TTN: variants seen among roughly 807,000 people sequenced by gnomAD.
The protein encoded by TTN is connectin.
In TTN, 1,525 loss-of-function variants were observed where a neutral mutation model predicts 3,223.0. The ratio of observed to expected loss-of-function variants is 0.47; its 90% CI spans 0.45 to 0.49. The LOEUF is 0.49. TTN is among the 20% of genes least tolerant of loss of function. The pLI is 0.00. For synonymous variants in TTN, 14,094 were observed against 15,161.0 expected (o/e 0.93, Z 5.17); for missense variants, 40,786 against 43,424.0 (o/e 0.94, Z 5.40).
At chr2:178,693,481 G>T in intron 119 of TTN, 128 bp downstream of exon 119, 1 of 612,542 alleles carries the variant, frequency 1.6e-6, no homozygotes, top group Non-Finnish European at 2.6e-6. Flanking sequence ...CACATCCTTT[G>T]TACATAGTGG....
chr2:178,748,593 A>T, intron 47 of TTN: 1 of 1,613,148 alleles, frequency 6.2e-7, no homozygotes, highest in South Asian at 1.1e-5. Flanking sequence ...TGGATTTTAA[A>T]ATAAGCTTCT....
Position 178,558,324 on chromosome 2 carries a change from C to A in TTN, c.87118+17G>T. The A allele has an allele frequency of 6.3e-7, 1 of 1,596,752 alleles. No individual in the cohort carries two copies. The highest frequency in any genetic ancestry group is 8.5e-7 in the Non-Finnish European group (1 of 1,175,310). ...CAAATAATTTCAAATTTTGCTTCTA[C>A]ACAAAATTAGACATACCTAGTTGCT... On this transcript the variant is annotated intron_variant, in intron 327 of 362. Coordinates refer to ENST00000589042, the MANE Select transcript of TTN (RefSeq NM_001267550.2).
Position 178,552,133 on chromosome 2 carries a change from TCTC to T in TTN, c.90764_90766del (p.Gly30255del), listed in dbSNP as rs748912340. The T allele has an allele frequency of 1.9e-4, 303 of 1,613,796 alleles. No individual in the cohort carries two copies. The highest frequency in any genetic ancestry group is 6.6e-4 in the Middle Eastern group (4 of 6,056). On this transcript the variant is annotated inframe_deletion, in exon 335 of 363. Transcript: ENST00000589042. ...CTTCTCGATGCTGTAACAAGTAATT[TCTC>T]CTCCTCCATTATCTTCAGGTACATC...
intron 115 of TTN, 114 bp downstream of exon 115, chr2:178,695,234 T>A (rs1430558653): frequency 1.4e-6 from 1 of 719,778 alleles, no homozygotes; most frequent in East Asian, 2.6e-5. Flanking sequence ...ACAATAAAGC[T>A]TAGAGAAGAA....
chr2:178,653,343 T>G (rs774210103), intron 197 of TTN, 22 bp from the exon 198 acceptor site: 26 of 1,611,086 alleles, frequency 1.6e-5, no homozygotes, highest in Non-Finnish European at 2.1e-5. Context: ...TTAGTAAAGT[T>G]ACATGTAGAG....
rs761383124 is a variant in TTN, at chr2:178,786,080, C to T, written c.2138G>A (p.Arg713Gln). 43 of 1,613,962 alleles carry T rather than the reference C, an allele frequency of 2.7e-5. No individual in the cohort carries two copies. The highest frequency in any genetic ancestry group is 6.7e-5 in the Admixed American group (4 of 59,998). Residue 713 changes from arginine to glutamine, a missense_variant, in exon 14 of 363, where the codon CGA (arginine) becomes CAA (glutamine). Transcript: ENST00000589042. ...ATVVAAVDQA[R>Q]VREPREPGHL... ...CCCAGGCTCTCTGGGCTCTCTGACTCGGGCCTGGTCTACTGCAGCAACAAC... is the reference window on the plus strand; with the variant it reads ...CCCAGGCTCTCTGGGCTCTCTGACTTGGGCCTGGTCTACTGCAGCAACAAC...
chr2:178,611,464 T>G lies in TTN; in HGVS notation c.50765A>C (p.Lys16922Thr), dbSNP rs1425233926. 1.2e-6 allele frequency: 2 copies of G among 1,612,976 alleles called. No individual in the cohort carries two copies. The highest frequency in any genetic ancestry group is 1.7e-6 in the Non-Finnish European group (2 of 1,179,318). Residue 16922 changes from lysine to threonine, a missense_variant, in exon 269 of 363, where the codon AAA becomes ACA. Lys to Thr is a moderately conservative substitution (Grantham distance 78). Transcript: ENST00000589042. ...TGCTCTCACTCTCAGGACATATTCT[T>G]TGTCAGGAACAACACCTTCTTCAAC... ...FKVEEGVVPDKEYVLRVRAVN... is the reference protein window; with the variant it reads ...FKVEEGVVPDTEYVLRVRAVN...
intron 308 of TTN, among the ~76,000 whole-genome samples, chr2:178,585,581 A>G (rs2048756273): frequency 6.6e-6 from 1 of 151,950 alleles, no homozygotes; most frequent in Non-Finnish European, 1.5e-5. Flanking sequence ...TCCTAATGCT[A>G]TCCTTCCCCT....
Position 178,664,263 on chromosome 2 carries a change from G to T in TTN, c.36281-165C>A, listed in dbSNP as rs1053744179. 4.6e-5 allele frequency among the ~76,000 whole-genome samples: 7 copies of T among 151,970 alleles called. No individual in the cohort carries two copies. In the East Asian group the frequency reaches 1.2e-3, roughly 25 times the overall value. ...TTCAGGTTTTAGAGGAGGAACTTCC[G>T]GTATTTTCTTTTTGGTAGCCATTTC... On this transcript the variant is annotated intron_variant, in intron 168 of 362. Coordinates refer to ENST00000589042, the MANE Select transcript of TTN (RefSeq NM_001267550.2).
Position 178,571,924 on chromosome 2 carries a change from A to G in TTN, c.74208T>C (p.Asp24736=). The change falls in exon 326 of 363, where the codon GAT becomes GAC. Residue 24736 remains aspartate (D), a synonymous_variant. Coordinates refer to ENST00000589042, the MANE Select transcript of TTN (RefSeq NM_001267550.2). ...TVLAGEDLKV[D]VPFIGRPTPA... ...GGGTAGGGCGGCCAATGAATGGAAC[A>G]TCAACTTTTAGGTCTTCACCTGCCA... 1 of 1,613,248 alleles carries G rather than the reference A, an allele frequency of 6.2e-7. No individual in the cohort carries two copies.
intron 48 of TTN, among the ~76,000 whole-genome samples, 192 bp downstream of exon 48, chr2:178,738,949 T>C (rs2082001902): frequency 6.6e-6 from 1 of 152,188 alleles, no homozygotes; most frequent in South Asian, 2.1e-4. Context: ...ATGGATATGA[T>C]AGCATAGCAC....
chr2:178,577,136 C>T lies in TTN; in HGVS notation c.69199G>A (p.Asp23067Asn). The change falls in exon 324 of 363, where the codon GAT (aspartate) becomes AAT (asparagine). Residue 23067 changes from aspartate (D) to asparagine (N), a missense_variant. Transcript: ENST00000589042. ...TAGGACTTAATTGGTGAGCCGCCATCTTCCAAGGGAGGTGTCCATGTAAGT... is the reference window on the plus strand; with the variant it reads ...TAGGACTTAATTGGTGAGCCGCCATTTTCCAAGGGAGGTGTCCATGTAAGT... ...ATLTWTPPLEDGGSPIKSYIL... is the reference protein window; with the variant it reads ...ATLTWTPPLENGGSPIKSYIL... 6.2e-7 allele frequency: 1 copy of T among 1,613,194 alleles called. No individual in the cohort carries two copies. The highest frequency in any genetic ancestry group is 8.5e-7 in the Non-Finnish European group (1 of 1,179,516).
In TTN at chr2:178,592,403, C is replaced by T; in HGVS notation, c.59602G>A (p.Val19868Ile). 6.2e-7 allele frequency: 1 copy of T among 1,612,960 alleles called. No homozygotes were observed. Among genetic ancestry groups the T allele is most frequent in the Non-Finnish European group, 8.5e-7 (1 of 1,179,524 alleles). ...TVENPAGSKT[V>I]SVKVLVLDKP... is the part of the protein sequence containing the mutation. ...CCTAATACAAGTACTTTTACTGAGACAGTTTTTGAACCAGCTGGATTCTCC... is the reference window on the plus strand; with the variant it reads ...CCTAATACAAGTACTTTTACTGAGATAGTTTTTGAACCAGCTGGATTCTCC... Residue 19868 changes from valine to isoleucine, a missense_variant, in exon 301 of 363, where the codon GTC becomes ATC. Coordinates refer to ENST00000589042, the MANE Select transcript of TTN (RefSeq NM_001267550.2).
At chr2:178,775,246 T>C (rs770301319) in intron 28 of TTN, 44 bp from the exon 29 acceptor site, 1 of 1,612,842 alleles carries the variant, frequency 6.2e-7, no homozygotes, top group Non-Finnish European at 8.5e-7. Flanking sequence ...CACATTATAT[T>C]AAATTAAATT....
rs1574081963 is a variant in TTN, at chr2:178,740,607, GGTTCAGCTAATAAA to G, written c.12612_12625del (p.Leu4205Ter). ...TGAAGACTGTGGATAATTCCCTTCA[GGTTCAGCTAATAAA>G]GTTTTCAGAGGCTCAACTGTTAATG... On this transcript the variant is annotated frameshift_variant, in exon 48 of 363. Transcript: ENST00000589042. LOFTEE classifies it high-confidence loss of function. 1 of 1,613,778 alleles carries G rather than the reference GGTTCAGCTAATAAA, an allele frequency of 6.2e-7. No homozygotes were observed. Among genetic ancestry groups the G allele is most frequent in the Non-Finnish European group, 8.5e-7 (1 of 1,179,818 alleles).
intron 208 of TTN, 122 bp downstream of exon 208, chr2:178,651,121 A>C (rs1478878640): frequency 1.2e-5 from 10 of 803,794 alleles, no homozygotes; most frequent in Non-Finnish European, 2.0e-5. Flanking sequence ...GACCCTAAAA[A>C]TCCAGAATGA....
intron 49 of TTN, chr2:178,737,820 A>G: frequency 2.9e-6 from 1 of 348,066 alleles, no homozygotes; most frequent in Non-Finnish European, 5.1e-6. Flanking sequence ...TTTTATATGA[A>G]GGGCCAAGCT....
Position 178,771,297 on chromosome 2 carries a change from A to G in TTN, c.8030T>C (p.Ile2677Thr), listed in dbSNP as rs2091449758. ...SESDGHKRRL[I>T]IAATKLDDIG... The stretch of plus-strand genomic sequence containing the variant: ...GTCATCTAATTTGGTGGCAGCAATG[A>G]TAAGTCTCCTTTTGTGGCCATCAGA... Residue 2677 changes from isoleucine (I) to threonine (T), a missense_variant, in exon 34 of 363, where the codon ATC (isoleucine) becomes ACC (threonine). By Grantham distance (89) the Ile-to-Thr change is moderately conservative. Transcript: ENST00000589042. The G allele has an allele frequency of 1.9e-6, 3 of 1,614,138 alleles. No individual in the cohort carries two copies. In the East Asian group the frequency reaches 6.7e-5, roughly 36 times the overall value.
chr2:178,775,227 A>AG lies in TTN; in HGVS notation c.6509-26dup, dbSNP rs1315799240. ...GCTACAAGAAAAAGGTGGGGGAAAA[A>AG]GGGGAGAGCACATTATATTAAATTA... On this transcript the variant is annotated intron_variant, in intron 28 of 362. Transcript: ENST00000589042. 3.1e-6 allele frequency: 5 copies of AG among 1,613,208 alleles called. No homozygotes were observed. In the African/African-American group the frequency reaches 6.7e-5, roughly 22 times the overall value.
Sources: allele counts gnomAD v4.1 joint callset (sites outside exome capture counted in the v4.1 genomes callset), GRCh38; gene constraint gnomAD v4.1.1; transcripts MANE v1.5; gene names NCBI Gene and HGNC (gene_info 2026-07-23, HGNC 2026-07-21).